Variants in POGZ observed in about 807,000 individuals in gnomAD.
POGZ encodes pogo transposable element with ZNF domain.
A neutral mutation model predicts 134.6 loss-of-function variants in POGZ; 17 were observed. That is an observed-to-expected ratio of 0.13 (90% CI 0.09 to 0.19). POGZ has a LOEUF of 0.19. Among genes scored for constraint, POGZ ranks in the 10% least tolerant of loss-of-function variants. POGZ has a pLI of 1.00. For synonymous variants in POGZ, 693 were observed against 657.1 expected (o/e 1.05, Z -0.84); for missense variants, 1,306 against 1,769.7 (o/e 0.74, Z 4.70).
chr1:151,406,773 C>T (rs1653726120), intron 17 of POGZ, 138 bp downstream of exon 17: 3 of 1,010,844 alleles, frequency 3.0e-6, no homozygotes, highest in Admixed American at 4.3e-5. Flanking sequence ...AACTTCAGGT[C>T]GGAAGGTTTC....
rs142434646 is a variant in POGZ at position 151,428,229 on chromosome 1, G to C, written c.753C>G (p.Ser251=). 7 of 1,614,010 alleles carry C rather than the reference G, an allele frequency of 4.3e-6. No individual in the cohort carries two copies. In the South Asian group the frequency reaches 7.7e-5, roughly 18 times the overall value. The part of the protein sequence containing the change: ...VPQSQSQQTK[S]TPSTSTTPTA... ...TGGGAGTGGTAGAAGTGCTGGGAGT[G>C]GACTTGGTCTGCTGGGACTGGGACT... Residue 251 remains serine, a synonymous_variant, in exon 6 of 19, where the codon TCC becomes TCG. Transcript: ENST00000271715.
At chr1:151,456,331 C>T (rs1370155704) in intron 1 of POGZ, among the ~76,000 whole-genome samples, 1 of 152,196 alleles carries the variant, frequency 6.6e-6, no homozygotes, top group Non-Finnish European at 1.5e-5. Flanking sequence ...CAAACTCCAG[C>T]TGTCAACTTT....
At chr1:151,435,113 T>C (rs1209738582) in intron 3 of POGZ, among the ~76,000 whole-genome samples, 1 of 152,148 alleles carries the variant, frequency 6.6e-6, no homozygotes. Flanking sequence ...TTGGCCATGC[T>C]AGTCTCAAAC....
Position 151,423,444 on chromosome 1 carries a change from T to A in POGZ, c.1631A>T (p.Gln544Leu). The A allele has an allele frequency of 1.2e-6, 2 of 1,614,112 alleles. No individual in the cohort carries two copies. The highest frequency in any genetic ancestry group is 1.7e-6 in the Non-Finnish European group (2 of 1,179,962). ...AACATTTTCCAAGTGGCACTGAAGC[T>A]GGAAGGGAGTGGAAAACTGGCGGTA... Reference protein sequence around the residue: ...HCYRQFSTPFQLQCHLENVHS... With the variant: ...HCYRQFSTPFLLQCHLENVHS... The change falls in exon 10 of 19, where the codon CAG (glutamine) becomes CTG (leucine). Residue 544 changes from glutamine (Q) to leucine (L), a missense_variant. Physicochemically the swap from Gln to Leu is moderately radical, Grantham distance 113. Transcript: ENST00000271715.
intron 15 of POGZ, among the ~76,000 whole-genome samples, chr1:151,407,776 G>A (rs1195164256): frequency 2.0e-5 from 3 of 152,066 alleles, no homozygotes; most frequent in Admixed American, 6.5e-5. Context: ...TAGGGAGGCC[G>A]AGGCAGGTGG....
chr1:151,450,438 G>T (rs957894363), intron 1 of POGZ, among the ~76,000 whole-genome samples: 1 of 151,520 alleles, frequency 6.6e-6, no homozygotes, highest in African/African-American at 2.4e-5. Context: ...CTGCAGCCTC[G>T]ACCTCTTGGG....
rs780310461 is a variant in POGZ at position 151,406,242 on chromosome 1, C to T, written c.2793G>A (p.Pro931=). 2.7e-5 allele frequency: 43 copies of T among 1,613,878 alleles called. No individual in the cohort carries two copies. The Middle Eastern group carries it at 4.9e-4, about 19-fold the overall frequency. The part of the protein sequence containing the change: ...PTHPQALALP[P]LATEGAECLN... ...GACATTCGGCTCCCTCTGTAGCCAG[C>T]GGTGGAAGGGCTAAAGCCTGCGGGT... The change falls in exon 19 of 19, where the codon CCG becomes CCA. Residue 931 remains proline (P), a synonymous_variant. Transcript: ENST00000271715.
chr1:151,458,348 C>T (rs984073127), intron 1 of POGZ, among the ~76,000 whole-genome samples: 9 of 152,070 alleles, frequency 5.9e-5, no homozygotes, highest in Admixed American at 2.0e-4. Flanking sequence ...TAAAGATTCC[C>T]CGCCTCATTC....
Position 151,408,750 on chromosome 1 carries a change from GT to G in POGZ, c.2004del (p.Gln668HisfsTer15). Reference sequence around the variant, plus strand: ...TTGGGTTTACGGAAGGTTTTATGGTGTTGAAGCTTGTGTTCAATTTTGTCCT... The same window carrying G: ...TTGGGTTTACGGAAGGTTTTATGGTGTGAAGCTTGTGTTCAATTTTGTCCT... ...FAKDKIEHKL[Q>X]HHKTFRKPKQ... On this transcript the variant is annotated frameshift_variant, in exon 13 of 19. Coordinates refer to ENST00000271715, the MANE Select transcript of POGZ (RefSeq NM_015100.4). LOFTEE classifies it high-confidence loss of function. 1 of 1,614,000 alleles carries G rather than the reference GT, an allele frequency of 6.2e-7. No homozygotes were observed. The highest frequency in any genetic ancestry group is 8.5e-7 in the Non-Finnish European group (1 of 1,179,950).
In POGZ at chr1:151,406,294, G is replaced by C; in HGVS notation, c.2741C>G (p.Thr914Ser). Residue 914 changes from threonine (T) to serine (S), a missense_variant, in exon 19 of 19, where the codon ACT becomes AGT. This residue lies in a region of POGZ where 214 missense variants were observed against 255.5 expected (regional missense o/e 0.84). Coordinates refer to ENST00000271715, the MANE Select transcript of POGZ (RefSeq NM_015100.4). ...AGTGGGGGTTGGTGGTGGGGTTGCA[G>C]TTGAGGCTGGTGATGGGAGTGCTGG... Reference protein sequence around the residue: ...LAPALPSPASTATPPPTPTHP... With the variant: ...LAPALPSPASSATPPPTPTHP... The C allele has an allele frequency of 6.2e-7, 1 of 1,611,530 alleles. No individual in the cohort carries two copies.
intron 1 of POGZ, among the ~76,000 whole-genome samples, chr1:151,455,905 T>C (rs1662715595): frequency 1.3e-5 from 2 of 150,406 alleles, no homozygotes; most frequent in Non-Finnish European, 1.5e-5. Context: ...TTTTTTTTTT[T>C]TTTTTTTTTT....
rs760059077 is a variant in POGZ at position 151,405,919 on chromosome 1, C to T, written c.3116G>A (p.Arg1039His). Residue 1039 changes from arginine to histidine, a missense_variant, in exon 19 of 19, where the codon CGC (arginine) becomes CAC (histidine). Transcript: ENST00000271715. This position sits in a 1 kb window ranked among gnomAD's most constrained non-coding sequence, Gnocchi z 4.9. ...CTCATTTACAGGTAGCTGTTGTTCG[C>T]GCTGGGTTAGCACCCACTCAGCCAG... Reference protein sequence around the residue: ...EKLAEWVLTQREQQLPVNEET... With the variant: ...EKLAEWVLTQHEQQLPVNEET... 8.1e-6 allele frequency: 13 copies of T among 1,614,040 alleles called. No homozygotes were observed. Among genetic ancestry groups the T allele is most frequent in the Non-Finnish European group, 1.0e-5 (12 of 1,180,012 alleles).
chr1:151,427,241 T>A (rs538130271), intron 7 of POGZ: 1 of 153,676 alleles, frequency 6.5e-6, no homozygotes, highest in South Asian at 2.0e-4. Flanking sequence ...AATAAAAGAA[T>A]AAAACTTTTC....
chr1:151,411,923 T>C (rs1393263793), intron 11 of POGZ, 152 bp from the exon 12 acceptor site: 6 of 621,612 alleles, frequency 9.7e-6, no homozygotes, highest in Non-Finnish European at 1.1e-5. Context: ...TTTGTAATGC[T>C]GGGCTATGTT....
At chr1:151,419,454 C>T (rs112285413) in intron 10 of POGZ, among the ~76,000 whole-genome samples, 1 of 151,656 alleles carries the variant, frequency 6.6e-6, no homozygotes, top group African/African-American at 2.4e-5. Context: ...TTGAGACCAG[C>T]CTGGGCAGCA....
chr1:151,414,368 C>A (rs965061197), intron 10 of POGZ, among the ~76,000 whole-genome samples: 2 of 152,224 alleles, frequency 1.3e-5, no homozygotes, highest in Non-Finnish European at 2.9e-5. Flanking sequence ...TTTCCCTGGG[C>A]AATCTCATTC....
At chr1:151,433,554 G>A (rs777000993) in intron 3 of POGZ, among the ~76,000 whole-genome samples, 2 of 144,690 alleles carry the variant, frequency 1.4e-5, no homozygotes, top group Non-Finnish European at 3.0e-5. Flanking sequence ...GTTGCATTGA[G>A]CCGAGATCGC....
Position 151,403,527 on chromosome 1 carries a change from C to T in POGZ, c.*1275G>A, listed in dbSNP as rs531968750. 7.1e-6 allele frequency: 7 copies of T among 985,278 alleles called. No homozygotes were observed. Among genetic ancestry groups the T allele is most frequent in the African/African-American group, 3.5e-5 (2 of 57,284 alleles). 61.0% of individuals were successfully genotyped at this position (985,278 alleles called of 1,614,324 possible). A position where few individuals can be genotyped will look rare whatever the true frequency, so the allele number is the denominator to read the frequency against. On this transcript the variant is annotated 3_prime_UTR_variant, in exon 19 of 19. Transcript: ENST00000271715. The stretch of plus-strand genomic sequence containing the variant: ...CTCCTTTTCTCTGTACGGTACAGTA[C>T]GTTTTGGTTTACAACCATGAGTACA...
intron 2 of POGZ, 89 bp from the exon 3 acceptor site, chr1:151,441,175 T>G: frequency 2.7e-6 from 3 of 1,093,140 alleles, no homozygotes; most frequent in Non-Finnish European, 3.9e-6. Context: ...CATCTTATTG[T>G]GGGTCTCTAT....
Sources: allele counts gnomAD v4.1 joint callset (sites outside exome capture counted in the v4.1 genomes callset), GRCh38; gene constraint gnomAD v4.1.1; regional missense constraint gnomAD v4.1.1; non-coding constraint Gnocchi (gnomAD v3.1); transcripts MANE v1.5; gene names NCBI Gene and HGNC (gene_info 2026-07-23, HGNC 2026-07-21).